NRXN3: variants seen among roughly 807,000 people sequenced by gnomAD.
The protein encoded by NRXN3 is neurexin 3, also known as neurexin III.
Under a neutral mutation model 137.6 loss-of-function variants are expected in NRXN3, and 32 were observed. The observed-to-expected ratio is 0.23, with a 90% confidence interval of 0.18 to 0.31. The LOEUF is 0.31. Ranked by LOEUF, NRXN3 falls within the 10% of genes least tolerant of loss-of-function variation. The pLI, the probability that NRXN3 is intolerant of heterozygous loss-of-function variation, is 1.00. For missense variants in NRXN3, 1,574 were observed against 2,062.5 expected (o/e 0.76, Z 4.59); for synonymous variants, 798 against 784.5 (o/e 1.02, Z -0.29).
chr14:78,860,596 A>G (rs1294334454), intron 10 of NRXN3, among the ~76,000 whole-genome samples: 3 of 152,194 alleles, frequency 2.0e-5, no homozygotes, highest in Non-Finnish European at 2.9e-5. Flanking sequence ...TTTTTTAAAT[A>G]AAAGAAGTGT....
intron 4 of NRXN3, among the ~76,000 whole-genome samples, chr14:78,593,096 C>T (rs983659407): frequency 3.3e-5 from 5 of 152,194 alleles, no homozygotes; most frequent in Admixed American, 6.5e-5. Flanking sequence ...CTTTCCTCCT[C>T]GGTGCATGCA....
intron 10 of NRXN3, among the ~76,000 whole-genome samples, chr14:78,942,976 G>C (rs1383806970): frequency 6.6e-6 from 1 of 152,144 alleles, no homozygotes; most frequent in African/African-American, 2.4e-5. Flanking sequence ...GAGAGGGAGG[G>C]TTGGGAAAAT....
At chr14:79,228,142 A>G (rs1315836757) in intron 15 of NRXN3, among the ~76,000 whole-genome samples, 1 of 152,010 alleles carries the variant, frequency 6.6e-6, no homozygotes, top group African/African-American at 2.4e-5. Flanking sequence ...TTTTTAATGG[A>G]ACTGATGTTA....
At chr14:79,540,568 G>T (rs1038497787) in intron 16 of NRXN3, among the ~76,000 whole-genome samples, 10 of 152,116 alleles carry the variant, frequency 6.6e-5, no homozygotes, top group African/African-American at 2.2e-4. Context: ...ACCAATCATG[G>T]TCCCTATTCT....
At chr14:78,751,160 T>G (rs955183541) in intron 8 of NRXN3, among the ~76,000 whole-genome samples, 1 of 152,134 alleles carries the variant, frequency 6.6e-6, no homozygotes, top group Non-Finnish European at 1.5e-5. Flanking sequence ...AATTTCACAG[T>G]TAATCTCTGC....
chr14:79,430,689 G>A (rs769088556), intron 15 of NRXN3, among the ~76,000 whole-genome samples: 1 of 152,180 alleles, frequency 6.6e-6, no homozygotes, highest in Non-Finnish European at 1.5e-5. Flanking sequence ...ACTGCAATAG[G>A]AAGGTGATCC....
intron 20 of NRXN3, among the ~76,000 whole-genome samples, chr14:79,845,948 CAG>C (rs2099368842): frequency 6.6e-6 from 1 of 151,422 alleles, no homozygotes; most frequent in South Asian, 2.1e-4. Flanking sequence ...CAGAGACAGA[CAG>C]GGAGAGAGAT....
chr14:78,844,123 G>A (rs1186593085), intron 10 of NRXN3, among the ~76,000 whole-genome samples: 1 of 152,062 alleles, frequency 6.6e-6, no homozygotes, highest in Non-Finnish European at 1.5e-5. Flanking sequence ...CCAGTTTCAG[G>A]TGGTGCTCAG....
At chr14:78,390,290 T>C (rs1216462149) in intron 4 of NRXN3, among the ~76,000 whole-genome samples, 1 of 152,188 alleles carries the variant, frequency 6.6e-6, no homozygotes, top group Non-Finnish European at 1.5e-5. Context: ...AACACAGCGA[T>C]ATTTATTTCT....
chr14:78,332,300 A>C (rs1433167354), intron 4 of NRXN3, among the ~76,000 whole-genome samples: 5 of 141,744 alleles, frequency 3.5e-5, no homozygotes, highest in African/African-American at 1.3e-4. Flanking sequence ...ATCTTTTACC[A>C]TATTTTCTTT....
At chr14:78,749,882 T>A (rs2098632861) in intron 8 of NRXN3, among the ~76,000 whole-genome samples, 1 of 152,216 alleles carries the variant, frequency 6.6e-6, no homozygotes, top group African/African-American at 2.4e-5. Context: ...ATGTGCTGTC[T>A]CTAGAATTAT....
At chr14:79,808,523 AT>A (rs2099219188) in intron 20 of NRXN3, among the ~76,000 whole-genome samples, 1 of 151,840 alleles carries the variant, frequency 6.6e-6, no homozygotes, top group African/African-American at 2.4e-5. Flanking sequence ...TTTCTAAAAC[AT>A]TTTTCCAGGC....
intron 15 of NRXN3, among the ~76,000 whole-genome samples, chr14:79,274,633 A>G (rs1044713244): frequency 2.0e-5 from 3 of 151,426 alleles, no homozygotes; most frequent in African/African-American, 7.3e-5. Context: ...AAAAAAAAAA[A>G]ATGCTTCTAT....
intron 15 of NRXN3, among the ~76,000 whole-genome samples, chr14:79,393,803 G>A (rs377452471): frequency 1.3e-5 from 2 of 152,222 alleles, no homozygotes; most frequent in East Asian, 1.9e-4. Flanking sequence ...GTGACAGGGC[G>A]AGACTGTCTC....
chr14:78,547,858 A>G (rs1225355411), intron 4 of NRXN3, among the ~76,000 whole-genome samples: 1 of 152,134 alleles, frequency 6.6e-6, no homozygotes, highest in Non-Finnish European at 1.5e-5. Context: ...AATATTTTTA[A>G]TTAATTAAAC....
intron 4 of NRXN3, among the ~76,000 whole-genome samples, chr14:78,518,420 A>G (rs1213182006): frequency 4.6e-5 from 7 of 152,160 alleles, no homozygotes; most frequent in Non-Finnish European, 1.0e-4. Flanking sequence ...TACAGGAGCT[A>G]GAGGTGATCA....
intron 12 of NRXN3, 24 bp from the exon 13 acceptor site, chr14:78,967,184 G>GTTTTTTTTTTTT: frequency 1.3e-5 from 18 of 1,421,226 alleles, no homozygotes; most frequent in Middle Eastern, 2.0e-4. Context: ...TCCAATTATT[G>GTTTTTTTTTTTT]TTTTTTTTTT....
At chr14:79,537,350 T>C (rs2097221579) in intron 16 of NRXN3, among the ~76,000 whole-genome samples, 1 of 152,238 alleles carries the variant, frequency 6.6e-6, no homozygotes. Flanking sequence ...TGCAGGTTAG[T>C]TACATATGTA....
intron 4 of NRXN3, among the ~76,000 whole-genome samples, chr14:78,447,574 A>T (rs994854869): frequency 6.6e-6 from 1 of 152,182 alleles, no homozygotes; most frequent in Non-Finnish European, 1.5e-5. Context: ...AAACTCATAA[A>T]ATCTCATCAC....
Sources: allele counts gnomAD v4.1 joint callset (sites outside exome capture counted in the v4.1 genomes callset), GRCh38; gene constraint gnomAD v4.1.1; transcripts MANE v1.5; gene names NCBI Gene and HGNC (gene_info 2026-07-23, HGNC 2026-07-21).